Variants in PCDHA9 observed in about 807,000 individuals in gnomAD.
The protein encoded by PCDHA9 is protocadherin alpha-9.
PCDHA9 carries 62 observed loss-of-function variants against 62.0 expected under a neutral mutation model. That is an observed-to-expected ratio of 1.00 (90% CI 0.81 to 1.23). PCDHA9 has a LOEUF of 1.23. Ranked by LOEUF, PCDHA9 falls within the 50% of genes most tolerant of loss-of-function variation. The pLI, the probability that PCDHA9 is intolerant of heterozygous loss-of-function variation, is 0.00. For synonymous variants in PCDHA9, 557 were observed against 567.6 expected, an observed-to-expected ratio of 0.98 and a Z score of 0.27; for missense variants, 1,205 against 1,249.8, an observed-to-expected ratio of 0.96 and a Z score of 0.54.
At chr5:140,870,388 G>A (rs1487402100) in intron 1 of PCDHA9, 5 of 1,614,232 alleles carry the variant, frequency 3.1e-6, no homozygotes, top group Non-Finnish European at 4.2e-6. Context: ...TGCGCGGGAT[G>A]GGGGTTCGCC....
At chr5:141,007,299 T>C (rs550659664) in intron 3 of PCDHA9, among the ~76,000 whole-genome samples, 9 of 151,686 alleles carry the variant, frequency 5.9e-5, no homozygotes, top group African/African-American at 2.2e-4. Context: ...GCCTGTAATC[T>C]TAGCATTTTG....
chr5:140,922,101 G>A (rs531054386), intron 1 of PCDHA9, among the ~76,000 whole-genome samples: 1 of 152,086 alleles, frequency 6.6e-6, no homozygotes, highest in Admixed American at 6.5e-5. Context: ...ACCAACTATA[G>A]ATAAATGAAA....
intron 1 of PCDHA9, chr5:140,966,628 C>G (rs944715570): frequency 7.9e-5 from 76 of 964,108 alleles, no homozygotes; most frequent in Non-Finnish European, 1.0e-4. Flanking sequence ...GGGAGCGGCC[C>G]CAGGCGCTTT....
At chr5:140,919,183 A>T (rs2079029188) in intron 1 of PCDHA9, among the ~76,000 whole-genome samples, 1 of 152,104 alleles carries the variant, frequency 6.6e-6, no homozygotes, top group Non-Finnish European at 1.5e-5. Context: ...TATCTTCCTG[A>T]TTGGTCCTTT....
At chr5:140,982,447 C>G (rs782801484) in intron 2 of PCDHA9, 28 bp from the exon 3 acceptor site, 1 of 1,613,782 alleles carries the variant, frequency 6.2e-7, no homozygotes, top group South Asian at 1.1e-5. Flanking sequence ...ATGATCTAAC[C>G]GTTATCTGGG....
chr5:140,877,396 G>T (rs781989521), intron 1 of PCDHA9: 43 of 1,613,834 alleles, frequency 2.7e-5, no homozygotes, highest in South Asian at 1.8e-4. Context: ...TGAGGCGGAC[G>T]CTCCGCGCCA....
intron 1 of PCDHA9, 117 bp downstream of exon 1, chr5:140,851,006 T>G (rs2041921883): frequency 7.0e-7 from 1 of 1,437,372 alleles, no homozygotes; most frequent in Non-Finnish European, 9.2e-7. Flanking sequence ...TCCAGCAGAT[T>G]TTTTTTCTGA....
intron 1 of PCDHA9, chr5:140,927,062 T>C: frequency 6.2e-7 from 1 of 1,611,326 alleles, no homozygotes; most frequent in Non-Finnish European, 8.5e-7. Flanking sequence ...AACTTTCGCT[T>C]CCTTTCCAGC....
At position 140,856,860 on chromosome 5, in the gene PCDHA9, G is replaced by A; in HGVS notation, c.2394+5971G>A. 1.3e-6 allele frequency: 2 copies of A among 1,594,690 alleles called. 1 individual carries two copies. On this transcript the variant is annotated intron_variant, in intron 1 of 3. Transcript: ENST00000532602. ...CTCAACGCTTCTGATTCGGATGAAGGAATAAACAAGGAAATGATGTATTCA... is the reference window on the plus strand; with the variant it reads ...CTCAACGCTTCTGATTCGGATGAAGAAATAAACAAGGAAATGATGTATTCA...
At chr5:140,864,188 T>C (rs1367092956) in intron 1 of PCDHA9, 1 of 152,142 alleles carries the variant, frequency 6.6e-6, no homozygotes, top group Non-Finnish European at 1.5e-5. Flanking sequence ...TGAATAATGA[T>C]CCTTATGAGA....
At chr5:140,890,112 T>C (rs2062493777) in intron 1 of PCDHA9, among the ~76,000 whole-genome samples, 1 of 152,184 alleles carries the variant, frequency 6.6e-6, no homozygotes, top group Non-Finnish European at 1.5e-5. Flanking sequence ...CTGGATTCAA[T>C]GATGTCACTT....
chr5:140,914,755 T>G (rs1175753765), intron 1 of PCDHA9, among the ~76,000 whole-genome samples: 1 of 152,270 alleles, frequency 6.6e-6, no homozygotes, highest in East Asian at 1.9e-4. Flanking sequence ...CCATTTGAGG[T>G]TACATGAGGT....
intron 3 of PCDHA9, among the ~76,000 whole-genome samples, chr5:140,999,672 C>T (rs2153958475): frequency 6.6e-6 from 1 of 152,214 alleles, no homozygotes; most frequent in South Asian, 2.1e-4. Context: ...TTGCGGGGGG[C>T]TCACAGAAAG....
rs976941925 is a variant in PCDHA9, at chr5:140,854,525, C to T, written c.2394+3636C>T. 1.3e-5 allele frequency: 2 copies of T among 149,636 alleles called. 1 individual carries two copies. The highest frequency in any genetic ancestry group is 4.9e-5 in the African/African-American group (2 of 40,820). 9.3% of individuals were successfully genotyped at this position (149,636 alleles called of 1,614,324 possible). A position where few individuals can be genotyped will look rare whatever the true frequency, so the allele number is the denominator to read the frequency against. On this transcript the variant is annotated intron_variant, in intron 1 of 3. Transcript: ENST00000532602. ...CATAAACTGATGGATTAAGTGACAC[C>T]CATTTCTGTCAGTTTTCTTATTCAT...
intron 1 of PCDHA9, among the ~76,000 whole-genome samples, chr5:140,872,606 A>AT (rs1302987061): frequency 6.6e-6 from 1 of 151,888 alleles, no homozygotes; most frequent in Non-Finnish European, 1.5e-5. Context: ...TGAAAAAATA[A>AT]TTTTTTTTGC....
At chr5:140,868,317 C>G (rs2050392446) in intron 1 of PCDHA9, 2 of 151,824 alleles carry the variant, frequency 1.3e-5, no homozygotes, top group South Asian at 4.2e-4. Context: ...TCATATTGTT[C>G]TGCAATGAAT....
At chr5:140,901,452 A>G (rs1352830826) in intron 1 of PCDHA9, among the ~76,000 whole-genome samples, 1 of 152,120 alleles carries the variant, frequency 6.6e-6, no homozygotes, top group African/African-American at 2.4e-5. Flanking sequence ...TTCCCAGCAC[A>G]GACTGTCTTT....
chr5:140,934,523 C>T (rs782685676), intron 1 of PCDHA9, among the ~76,000 whole-genome samples: 15 of 152,236 alleles, frequency 9.9e-5, no homozygotes, highest in South Asian at 8.3e-4. Context: ...GACCACACTT[C>T]GAGAGCTACC....
chr5:140,875,642 C>T (rs2153326944), intron 1 of PCDHA9: 3 of 1,613,606 alleles, frequency 1.9e-6, no homozygotes, highest in East Asian at 4.5e-5. Context: ...CTGGAGCTGG[C>T]GGAGCTGGTG....
Sources: gnomAD v4.1 joint callset for allele counts (sites outside exome capture counted in the v4.1 genomes callset) on GRCh38, gnomAD v4.1.1 for gene constraint, MANE v1.5 for transcripts, NCBI Gene and HGNC (gene_info 2026-07-23, HGNC 2026-07-21) for gene names.